Variants in ATP13A3 observed in about 807,000 individuals in gnomAD.
ATP13A3 encodes ATPase 13A3.
Under a neutral mutation model 158.1 loss-of-function variants are expected in ATP13A3, and 59 were observed. The observed-to-expected ratio is 0.37, with a 90% CI of 0.30 to 0.46. The LOEUF (loss-of-function observed/expected upper bound fraction) is 0.46, where lower values mean the gene tolerates loss of function less well. ATP13A3 is among the 20% of genes least tolerant of loss of function. ATP13A3 has a pLI of 1.00. For synonymous variants in ATP13A3, 491 were observed against 504.3 expected, an observed-to-expected ratio of 0.97 and a Z score of 0.35; for missense variants, 1,166 against 1,525.2, an observed-to-expected ratio of 0.76 and a Z score of 3.92.
intron 15 of ATP13A3, among the ~76,000 whole-genome samples, chr3:194,442,292 A>G (rs1718103730): frequency 6.6e-6 from 1 of 152,160 alleles, no homozygotes; most frequent in Non-Finnish European, 1.5e-5. Context: ...CATAACAAAG[A>G]CAGAATTAGA....
intron 31 of ATP13A3, among the ~76,000 whole-genome samples, chr3:194,417,202 C>T (rs1355929438): frequency 6.6e-6 from 1 of 152,026 alleles, no homozygotes; most frequent in Admixed American, 6.6e-5. Context: ...AGGGAGCTCA[C>T]CCGAGGTCAA....
chr3:194,488,168 C>G (rs1721080171), upstream of ATP13A3: 1 of 152,426 alleles, frequency 6.6e-6, no homozygotes. This position sits in a 1 kb window ranked among gnomAD's most constrained non-coding sequence, Gnocchi z 4.1. Context: ...TTCCCAATCC[C>G]TGGCCTCACC....
At position 194,425,486 on chromosome 3, in the gene ATP13A3, C is replaced by T. The variant is rs760025962; in HGVS notation, c.3169G>A (p.Val1057Ile). Residue 1057 changes from valine (V) to isoleucine (I), a missense_variant, in exon 30 of 34, where the codon GTA becomes ATA. Physicochemically the swap from Val to Ile is conservative, Grantham distance 29 (BLOSUM62 3). Around this residue, in one of 3 missense-constraint regions of ATP13A3, gnomAD observed 997 missense variants for 1,341.2 expected, o/e 0.74. Transcript: ENST00000645319. ...TGSGFWNSSHVDNETELDEHN... is the reference protein window; with the variant it reads ...TGSGFWNSSHIDNETELDEHN... ...TCATCAAGTTCGGTTTCATTGTCTA[C>T]GTGTGAAGAATTCCAAAACCCGCTT... 14 of 1,612,788 alleles carry T rather than the reference C, an allele frequency of 8.7e-6. No individual in the cohort carries two copies. The highest frequency in any genetic ancestry group is 1.1e-5 in the South Asian group (1 of 90,620).
intron 16 of ATP13A3, among the ~76,000 whole-genome samples, chr3:194,439,405 C>T (rs755739738): frequency 2.0e-5 from 3 of 152,176 alleles, no homozygotes; most frequent in Non-Finnish European, 4.4e-5. Context: ...TTAGCAGAAC[C>T]GCTGGGTCAA....
intron 8 of ATP13A3, 35 bp from the exon 9 acceptor site, chr3:194,454,427 G>A: frequency 6.4e-7 from 1 of 1,567,488 alleles, no homozygotes; most frequent in Non-Finnish European, 8.8e-7. Flanking sequence ...AACTGAATGA[G>A]GTATTAATGA....
At chr3:194,435,661 T>C (rs6772267) in intron 20 of ATP13A3, among the ~76,000 whole-genome samples, 18,259 of 152,058 alleles carry the variant, frequency 0.12, 1,325 homozygotes, top group South Asian at 0.25. Flanking sequence ...GTAATCCCAG[T>C]ACTTTGGGAG....
rs1266498065 is a variant in ATP13A3 at position 194,485,838 on chromosome 3, A to G, written c.-88-3T>C. On this transcript the variant is annotated splice_polypyrimidine_tract_variant and splice_region_variant and intron_variant, in intron 1 of 33. Transcript: ENST00000645319. ...AGATTCAGGGATGTCTGTCAGATCT[A>G]TGGGAAGAGGAAACAATAAACACCT... is the stretch of plus-strand genomic sequence containing the variant. 3 of 152,238 alleles carry G rather than the reference A, an allele frequency of 2.0e-5. No individual in the cohort carries two copies. The highest frequency in any genetic ancestry group is 3.8e-4 in the East Asian group (2 of 5,206). The allele number at this position is 152,238 out of a possible 1,614,324, so 9.4% of individuals were successfully genotyped here. A position where few individuals can be genotyped will look rare whatever the true frequency, so the allele number is the denominator to read the frequency against.
At chr3:194,481,656 A>G (rs182744622) in intron 2 of ATP13A3, among the ~76,000 whole-genome samples, 13 of 152,318 alleles carry the variant, frequency 8.5e-5, no homozygotes, top group Admixed American at 8.5e-4. Flanking sequence ...ACTGAGCTAG[A>G]ACCATCTTTC....
At chr3:194,465,368 A>C (rs1719926223) in intron 2 of ATP13A3, among the ~76,000 whole-genome samples, 1 of 152,156 alleles carries the variant, frequency 6.6e-6, no homozygotes. Context: ...ACTGACCTGC[A>C]AGATGGACTC....
At chr3:194,471,483 A>G (rs542249952) in intron 2 of ATP13A3, among the ~76,000 whole-genome samples, 150 of 152,132 alleles carry the variant, frequency 9.9e-4, no homozygotes, top group African/African-American at 3.5e-3. Flanking sequence ...CCTCCTGAGT[A>G]GCTGGGACCA....
intron 6 of ATP13A3, among the ~76,000 whole-genome samples, chr3:194,458,775 C>T (rs1026576345): frequency 6.6e-6 from 1 of 152,058 alleles, no homozygotes; most frequent in East Asian, 1.9e-4. Context: ...CAGAATGTTC[C>T]AATTCATTAG....
At chr3:194,435,866 C>T (rs542809728) in intron 20 of ATP13A3, among the ~76,000 whole-genome samples, 5 of 152,088 alleles carry the variant, frequency 3.3e-5, no homozygotes, top group Admixed American at 1.3e-4. Flanking sequence ...GACATCGTGC[C>T]ACTGCACTCC....
At chr3:194,439,633 T>A (rs1717905244) in intron 16 of ATP13A3, among the ~76,000 whole-genome samples, 1 of 152,210 alleles carries the variant, frequency 6.6e-6, no homozygotes, top group Non-Finnish European at 1.5e-5. Flanking sequence ...TTTTTTCGTA[T>A]CTTAACATCT....
At chr3:194,410,551 AGAGT>A (rs1715330720) in intron 33 of ATP13A3, among the ~76,000 whole-genome samples, 1 of 152,106 alleles carries the variant, frequency 6.6e-6, no homozygotes, top group South Asian at 2.1e-4. Context: ...CCTGGGTGAC[AGAGT>A]GAGACCCTGG....
At position 194,447,934 on chromosome 3, in the gene ATP13A3, T is replaced by C. The variant is rs187365649; in HGVS notation, c.1226A>G (p.Asp409Gly). 1.2e-6 allele frequency: 2 copies of C among 1,610,638 alleles called. No homozygotes were observed. The highest frequency in any genetic ancestry group is 8.5e-7 in the Non-Finnish European group (1 of 1,176,950). Residue 409 changes from aspartate to glycine, a missense_variant, in exon 13 of 34, where the codon GAT becomes GGT. Asp to Gly is a moderately conservative substitution (Grantham distance 94). Coordinates refer to ENST00000645319, the MANE Select transcript of ATP13A3 (RefSeq NM_001367549.1). ...AAGACATAGTAGAAACAAGTAGGCA[T>C]CTCTGTAGAGTTTAAAATCAGTTGG... is the stretch of plus-strand genomic sequence containing the variant. ...PKPTDFKLYR[D>G]AYLFLLCLVA...
chr3:194,459,701 G>A, intron 5 of ATP13A3, 88 bp downstream of exon 5: 2 of 1,405,302 alleles, frequency 1.4e-6, no homozygotes, highest in Non-Finnish European at 1.9e-6. Flanking sequence ...AGCATTAACT[G>A]CAAACACAAA....
chr3:194,441,230 G>GA, intron 16 of ATP13A3, 81 bp downstream of exon 16: 1 of 1,196,824 alleles, frequency 8.4e-7, no homozygotes, highest in Non-Finnish European at 1.2e-6. Flanking sequence ...ACAAAAAGCA[G>GA]AAATAATCCT....
intron 31 of ATP13A3, among the ~76,000 whole-genome samples, chr3:194,416,064 C>G (rs1031095326): frequency 1.3e-5 from 2 of 152,160 alleles, no homozygotes; most frequent in African/African-American, 4.8e-5. Context: ...TGAATTTATT[C>G]TAGAAATGCA....
At chr3:194,481,911 A>C (rs1160851639) in intron 2 of ATP13A3, among the ~76,000 whole-genome samples, 1 of 152,226 alleles carries the variant, frequency 6.6e-6, no homozygotes. Flanking sequence ...TAACAGATTA[A>C]TTTTGCGGTC....
Sources: gnomAD v4.1 joint callset for allele counts (sites outside exome capture counted in the v4.1 genomes callset) on GRCh38, gnomAD v4.1.1 for gene constraint, gnomAD v4.1.1 regional missense constraint, Gnocchi (gnomAD v3.1) non-coding constraint, MANE v1.5 for transcripts, NCBI Gene and HGNC (gene_info 2026-07-23, HGNC 2026-07-21) for gene names.